Variants in CSMD3 observed in about 807,000 individuals in gnomAD.
The protein encoded by CSMD3 is CUB and sushi domain-containing protein 3.
In CSMD3, 177 loss-of-function variants were observed where a neutral mutation model predicts 435.2. The observed-to-expected ratio is 0.41, with a 90% CI of 0.36 to 0.46. CSMD3 has a LOEUF of 0.46. Among genes scored for constraint, CSMD3 ranks in the 20% least tolerant of loss-of-function variants. CSMD3 has a pLI of 0.34. For missense variants in CSMD3, 4,265 were observed against 4,504.6 expected, an observed-to-expected ratio of 0.95 and a Z score of 1.52; for synonymous variants, 1,656 against 1,520.5, an observed-to-expected ratio of 1.09 and a Z score of -2.07.
chr8:113,190,094 T>C (rs888535392), intron 3 of CSMD3, among the ~76,000 whole-genome samples: 1 of 151,690 alleles, frequency 6.6e-6, no homozygotes, highest in Non-Finnish European at 1.5e-5. Context: ...CTTTCTGACA[T>C]TGAAAGTAAT....
intron 3 of CSMD3, among the ~76,000 whole-genome samples, chr8:113,266,242 T>C (rs1470038194): frequency 2.0e-5 from 3 of 149,058 alleles, no homozygotes; most frequent in Non-Finnish European, 4.5e-5. Context: ...CTAATAAACA[T>C]GTTTGACAGA....
chr8:112,791,649 A>G (rs544672171), intron 13 of CSMD3, among the ~76,000 whole-genome samples: 2 of 151,970 alleles, frequency 1.3e-5, no homozygotes, highest in Non-Finnish European at 2.9e-5. Context: ...GGACATTTGG[A>G]TTGTTTCCAG....
chr8:113,204,992 T>C (rs1486106599), intron 3 of CSMD3, among the ~76,000 whole-genome samples: 1 of 151,746 alleles, frequency 6.6e-6, no homozygotes, highest in African/African-American at 2.4e-5. Context: ...GAACTCCTTT[T>C]TTTTTTTTGG....
In CSMD3 at chr8:112,411,127, T is replaced by G. The variant is rs11782853; in HGVS notation, c.5396-2095A>C. ...AAAAAGAAAAAAAAATTCATCTTTT[T>G]TTTTTTTTTTTTGCCTTTAGGCCTC... is the stretch of plus-strand genomic sequence containing the variant. On this transcript the variant is annotated intron_variant, in intron 32 of 70. Coordinates refer to ENST00000297405, the MANE Select transcript of CSMD3 (RefSeq NM_198123.2). 5.8e-3 allele frequency among the ~76,000 whole-genome samples: 513 copies of G among 88,650 alleles called. 3 individuals are homozygous for G. Among genetic ancestry groups the G allele is most frequent in the African/African-American group, 7.5e-3 (210 of 28,142 alleles). The allele number at this position is 88,650 out of a possible 152,430, so 58.2% of individuals were successfully genotyped here. A position where few individuals can be genotyped will look rare whatever the true frequency, so the allele number is the denominator to read the frequency against.
chr8:113,281,184 C>T (rs1418371020), intron 2 of CSMD3, among the ~76,000 whole-genome samples: 1 of 151,680 alleles, frequency 6.6e-6, no homozygotes, highest in African/African-American at 2.4e-5. Context: ...TCTGTTAAGT[C>T]AGTTTGTTCC....
At chr8:112,486,904 C>A (rs998678169) in intron 31 of CSMD3, among the ~76,000 whole-genome samples, 1 of 152,126 alleles carries the variant, frequency 6.6e-6, no homozygotes, top group African/African-American at 2.4e-5. Context: ...CAGGACCAGG[C>A]ATAATGGTAC....
chr8:113,293,994 T>A (rs1039896302), intron 2 of CSMD3, among the ~76,000 whole-genome samples: 1 of 152,110 alleles, frequency 6.6e-6, no homozygotes, highest in East Asian at 1.9e-4. Flanking sequence ...TCTATCTCCA[T>A]TGAAACCGGA....
At chr8:112,885,896 C>T (rs2081575810) in intron 10 of CSMD3, among the ~76,000 whole-genome samples, 1 of 151,660 alleles carries the variant, frequency 6.6e-6, no homozygotes, top group African/African-American at 2.4e-5. Flanking sequence ...TCTGGGCTGT[C>T]GAGTTACCCC....
At chr8:112,251,662 T>C (rs992389336) in intron 63 of CSMD3, among the ~76,000 whole-genome samples, 9 of 151,790 alleles carry the variant, frequency 5.9e-5, no homozygotes, top group African/African-American at 2.2e-4. Flanking sequence ...TAGGGTTAAA[T>C]ATTTTATGGT....
intron 3 of CSMD3, among the ~76,000 whole-genome samples, chr8:113,273,868 A>C (rs72670732): frequency 0.1 from 15,815 of 152,104 alleles, 958 homozygotes; most frequent in Middle Eastern, 0.17. Flanking sequence ...ATTTCTACTT[A>C]GAAACATTCA....
At chr8:112,381,734 C>T (rs1398593166) in intron 37 of CSMD3, among the ~76,000 whole-genome samples, 2 of 152,130 alleles carry the variant, frequency 1.3e-5, no homozygotes. Context: ...CCTTAAGTCT[C>T]TTACAGGATG....
chr8:113,256,643 AAC>A (rs1337810400), intron 3 of CSMD3, among the ~76,000 whole-genome samples: 1 of 152,232 alleles, frequency 6.6e-6, no homozygotes, highest in Non-Finnish European at 1.5e-5. Flanking sequence ...TTCTATTTCT[AAC>A]TGTAAAAAAT....
At position 112,683,114 on chromosome 8, in the gene CSMD3, T is replaced by G. The variant is rs1048418276; in HGVS notation, c.2483-478A>C. The stretch of plus-strand genomic sequence containing the variant: ...TAAAGTGAAATGTCTCAATCTAGTA[T>G]GAAACTGTTACAACTTTTTAAATAA... On this transcript the variant is annotated intron_variant, in intron 15 of 70. Coordinates refer to ENST00000297405, the MANE Select transcript of CSMD3 (RefSeq NM_198123.2). Among the ~76,000 whole-genome samples the G allele has an allele frequency of 2.0e-5, 3 of 151,992 alleles. No individual in the cohort carries two copies. In the East Asian group the frequency reaches 5.8e-4, roughly 29 times the overall value.
At chr8:112,774,721 A>G (rs987896672) in intron 13 of CSMD3, among the ~76,000 whole-genome samples, 1 of 151,934 alleles carries the variant, frequency 6.6e-6, no homozygotes, top group Non-Finnish European at 1.5e-5. Context: ...TTCAGATTCT[A>G]TTGGCTTTAA....
intron 3 of CSMD3, among the ~76,000 whole-genome samples, chr8:113,204,992 T>G (rs1486106599): frequency 6.6e-6 from 1 of 151,746 alleles, no homozygotes; most frequent in African/African-American, 2.4e-5. Flanking sequence ...GAACTCCTTT[T>G]TTTTTTTTGG....
At chr8:112,893,407 A>T (rs2081858347) in intron 10 of CSMD3, among the ~76,000 whole-genome samples, 2 of 151,420 alleles carry the variant, frequency 1.3e-5, no homozygotes, top group Admixed American at 1.3e-4. Context: ...TTTAAGTGCA[A>T]TTCCCAACAA....
At position 112,572,867 on chromosome 8, in the gene CSMD3, A is replaced by G. The variant is rs1269240163; in HGVS notation, c.4042+634T>C. ...GGTGTAACTAGTCTGTTTCTTATAT[A>G]ACGGTACTAGTAAAACACATCCATT... On this transcript the variant is annotated intron_variant, in intron 24 of 70. Coordinates refer to ENST00000297405, the MANE Select transcript of CSMD3 (RefSeq NM_198123.2). Among the ~76,000 whole-genome samples, 8 of 152,222 alleles carry G rather than the reference A, an allele frequency of 5.3e-5. No homozygotes were observed. In the East Asian group the frequency reaches 1.5e-3, roughly 29 times the overall value.
chr8:112,336,859 A>C (rs1824616148), intron 43 of CSMD3, 30 bp from the exon 44 acceptor site: 1 of 1,568,548 alleles, frequency 6.4e-7, no homozygotes. Flanking sequence ...ACAAAATAAT[A>C]TTTTAAAATA....
At chr8:112,710,377 C>A (rs2076585862) in intron 13 of CSMD3, among the ~76,000 whole-genome samples, 2 of 152,066 alleles carry the variant, frequency 1.3e-5, no homozygotes, top group Non-Finnish European at 2.9e-5. Flanking sequence ...ATCTCTTTAG[C>A]AGATTGCCTA....
Sources: allele counts gnomAD v4.1 joint callset (sites outside exome capture counted in the v4.1 genomes callset), GRCh38; gene constraint gnomAD v4.1.1; transcripts MANE v1.5; gene names NCBI Gene and HGNC (gene_info 2026-07-23, HGNC 2026-07-21).